Variants in CACNB2 observed in about 807,000 individuals in gnomAD.
CACNB2 encodes voltage-dependent L-type calcium channel subunit beta-2.
Under a neutral mutation model 73.3 loss-of-function variants are expected in CACNB2, and 42 were observed. The ratio of observed to expected loss-of-function variants is 0.57; its 90% CI spans 0.45 to 0.74. The LOEUF is 0.74. Among genes scored for constraint, CACNB2 ranks in the 30% least tolerant of loss-of-function variants. The pLI, the probability that CACNB2 is intolerant of heterozygous loss-of-function variation, is 0.00. For missense variants in CACNB2, 940 were observed against 853.0 expected (o/e 1.10, Z -1.27); for synonymous variants, 348 against 310.3 (o/e 1.12, Z -1.28).
At chr10:18,515,189 C>A in intron 7 of CACNB2, 1 of 709,558 alleles carries the variant, frequency 1.4e-6, no homozygotes, top group Non-Finnish European at 2.6e-6. Context: ...TGCTACACAG[C>A]GAGGCTCCTT....
chr10:18,230,442 C>T (rs7069240), intron 2 of CACNB2, among the ~76,000 whole-genome samples: 7,151 of 151,976 alleles, frequency 0.047, 591 homozygotes, highest in African/African-American at 0.16. Context: ...GTTTATAGAC[C>T]ATGGTATGAT....
intron 3 of CACNB2, 94 bp downstream of exon 3, chr10:18,402,137 T>C: frequency 3.7e-6 from 5 of 1,348,914 alleles, no homozygotes; most frequent in Non-Finnish European, 5.3e-6. Context: ...TTGTTTGATC[T>C]ATTAGAGAAT....
chr10:18,331,305 G>A (rs2040798169), intron 2 of CACNB2, among the ~76,000 whole-genome samples: 1 of 151,838 alleles, frequency 6.6e-6, no homozygotes, highest in Non-Finnish European at 1.5e-5. Flanking sequence ...TTGATTAGAT[G>A]ATGCTGGGCA....
chr10:18,258,484 T>A (rs745497110), intron 2 of CACNB2, among the ~76,000 whole-genome samples: 16 of 152,084 alleles, frequency 1.1e-4, no homozygotes, highest in Non-Finnish European at 1.3e-4. Flanking sequence ...TCCCAGCACT[T>A]TGGGAGGCCG....
chr10:18,168,472 C>T (rs1431751103), intron 2 of CACNB2, among the ~76,000 whole-genome samples: 2 of 151,162 alleles, frequency 1.3e-5, no homozygotes, highest in Non-Finnish European at 1.5e-5. Flanking sequence ...ATATCTTCAT[C>T]TAGATTTACA....
At chr10:18,381,688 CAAA>C (rs200757952) in intron 2 of CACNB2, among the ~76,000 whole-genome samples, 9 of 78,510 alleles carry the variant, frequency 1.1e-4, no homozygotes, top group Admixed American at 1.3e-4. Context: ...GACTCCGTCT[CAAA>C]AAAAAAAAAA....
intron 2 of CACNB2, among the ~76,000 whole-genome samples, chr10:18,278,518 G>A (rs2038395321): frequency 6.6e-6 from 1 of 151,850 alleles, no homozygotes; most frequent in African/African-American, 2.4e-5. Flanking sequence ...CAGTGACAGG[G>A]GCTATTGAGA....
intron 10 of CACNB2, among the ~76,000 whole-genome samples, chr10:18,533,797 G>C (rs1234336097): frequency 1.3e-5 from 2 of 152,170 alleles, no homozygotes; most frequent in Non-Finnish European, 2.9e-5. Flanking sequence ...CAAGCACAAA[G>C]AATGTCAGCA....
intron 2 of CACNB2, among the ~76,000 whole-genome samples, chr10:18,269,164 G>A (rs1045324294): frequency 5.9e-5 from 9 of 152,254 alleles, no homozygotes; most frequent in African/African-American, 1.9e-4. Flanking sequence ...ATAAATAAAG[G>A]TCAGAAGGAA....
At chr10:18,186,604 T>C (rs1055662599) in intron 2 of CACNB2, among the ~76,000 whole-genome samples, 9 of 152,048 alleles carry the variant, frequency 5.9e-5, no homozygotes, top group Non-Finnish European at 1.3e-4. Context: ...ATGTCTTACA[T>C]GTCCAGAGCA....
chr10:18,526,074 A>T (rs1332813749), intron 9 of CACNB2, among the ~76,000 whole-genome samples: 2 of 152,236 alleles, frequency 1.3e-5, no homozygotes, highest in Non-Finnish European at 2.9e-5. Flanking sequence ...GGCATAAAAT[A>T]ATTAATCAGA....
intron 2 of CACNB2, among the ~76,000 whole-genome samples, chr10:18,234,666 C>A (rs1421605308): frequency 6.6e-6 from 1 of 152,026 alleles, no homozygotes; most frequent in Non-Finnish European, 1.5e-5. Flanking sequence ...GTAGAGAAGA[C>A]AAATACGTAG....
At chr10:18,283,352 G>T (rs117352681) in intron 2 of CACNB2, among the ~76,000 whole-genome samples, 2,165 of 152,124 alleles carry the variant, frequency 0.014, 28 homozygotes, top group Non-Finnish European at 0.022. Context: ...GTCATGCTGC[G>T]ATAAAGACAC....
chr10:18,197,754 A>G (rs1486388664), intron 2 of CACNB2, among the ~76,000 whole-genome samples: 1 of 152,066 alleles, frequency 6.6e-6, no homozygotes, highest in Non-Finnish European at 1.5e-5. Context: ...GGAGAATGGG[A>G]TTCCTTTGAG....
chr10:18,210,148 C>T (rs377288671), intron 2 of CACNB2, among the ~76,000 whole-genome samples: 61 of 152,078 alleles, frequency 4.0e-4, no homozygotes, highest in Non-Finnish European at 7.1e-4. Flanking sequence ...CACTTGGGAG[C>T]GTGGCAGGAC....
Position 18,150,880 on chromosome 10 carries a change from T to TTTTTTTTTG in CACNB2, c.121-3_121-2insTTTTTTTTG. The TTTTTTTTTG allele has an allele frequency of 3.1e-6, 4 of 1,300,358 alleles. No homozygotes were observed. Among genetic ancestry groups the TTTTTTTTTG allele is most frequent in the Non-Finnish European group, 4.2e-6 (4 of 943,290 alleles). 80.6% of individuals were successfully genotyped at this position (1,300,358 alleles called of 1,614,324 possible). On this transcript the variant is annotated splice_polypyrimidine_tract_variant and splice_region_variant and intron_variant, in intron 1 of 13. Transcript: ENST00000324631. The stretch of plus-strand genomic sequence containing the variant: ...CTTTTTTTTTTTTTTTTTTTTTTTT[T>TTTTTTTTTG]AGTCATATGGAAAAGGAGCCAGAAG...
intron 3 of CACNB2, among the ~76,000 whole-genome samples, chr10:18,450,027 T>G (rs2046940721): frequency 6.6e-6 from 1 of 152,242 alleles, no homozygotes; most frequent in South Asian, 2.1e-4. Flanking sequence ...TCAGGCTCAA[T>G]GGCAACAAAT....
At chr10:18,228,964 A>T (rs1438541585) in intron 2 of CACNB2, among the ~76,000 whole-genome samples, 14 of 151,894 alleles carry the variant, frequency 9.2e-5, no homozygotes, top group Non-Finnish European at 2.1e-4. Flanking sequence ...CTGGTCTCGA[A>T]CTCCTGACCT....
chr10:18,152,709 C>CAAAAA (rs772732675), intron 2 of CACNB2, among the ~76,000 whole-genome samples: 1,393 of 48,958 alleles, frequency 0.028, 97 homozygotes, highest in Non-Finnish European at 0.039. Flanking sequence ...TGAAACAGAC[C>CAAAAA]AAAAAAAAAA....
Sources: allele counts gnomAD v4.1 joint callset (sites outside exome capture counted in the v4.1 genomes callset), GRCh38; gene constraint gnomAD v4.1.1; transcripts MANE v1.5; gene names NCBI Gene and HGNC (gene_info 2026-07-23, HGNC 2026-07-21).